CNOT1: variants seen among roughly 807,000 people sequenced by gnomAD.
The protein encoded by CNOT1 is CCR4-NOT transcription complex subunit 1.
A neutral mutation model predicts 273.8 loss-of-function variants in CNOT1; 15 were observed. The ratio of observed to expected loss-of-function variants is 0.05; its 90% CI spans 0.04 to 0.08. The LOEUF is 0.08. Among genes scored for constraint, CNOT1 ranks in the 10% least tolerant of loss-of-function variants. The pLI is 1.00. For missense variants in CNOT1, 1,644 were observed against 2,912.2 expected, an observed-to-expected ratio of 0.56 and a Z score of 10.02; for synonymous variants, 1,022 against 1,005.5, an observed-to-expected ratio of 1.02 and a Z score of -0.31.
intron 1 of CNOT1, among the ~76,000 whole-genome samples, chr16:58,614,742 C>T (rs2043016635): frequency 8.0e-6 from 1 of 125,702 alleles, no homozygotes; most frequent in East Asian, 2.0e-4. Context: ...CGGGGTCTCA[C>T]TCTGTCGCCC....
At chr16:58,610,894 G>A (rs765982034) in intron 1 of CNOT1, among the ~76,000 whole-genome samples, 11 of 150,160 alleles carry the variant, frequency 7.3e-5, no homozygotes, top group East Asian at 5.9e-4. Context: ...AAAATCAGCC[G>A]GGCGTGGTGG....
intron 4 of CNOT1, 128 bp from the exon 5 acceptor site, chr16:58,587,541 T>TTGTA: frequency 1.5e-6 from 2 of 1,311,014 alleles, no homozygotes; most frequent in Middle Eastern, 5.4e-4. Flanking sequence ...ACTAGAAACA[T>TTGTA]TACACTATGT....
rs1406602456 is a variant in CNOT1, at chr16:58,523,508, A to G, written c.6785-6T>C. 7.4e-6 allele frequency: 12 copies of G among 1,613,646 alleles called. No homozygotes were observed. The highest frequency in any genetic ancestry group is 2.2e-5 in the South Asian group (2 of 91,058). Reference sequence around the variant, plus strand: ...ATTCAAAAAGAGATAGCGACCTAGAAATTAAGAAACCTTGACTTAGGACTT... The same window carrying G: ...ATTCAAAAAGAGATAGCGACCTAGAGATTAAGAAACCTTGACTTAGGACTT... On this transcript the variant is annotated splice_region_variant and splice_polypyrimidine_tract_variant and intron_variant, in intron 46 of 48. Transcript: ENST00000317147.
intron 16 of CNOT1, among the ~76,000 whole-genome samples, chr16:58,568,643 G>A (rs2041150049): frequency 6.6e-6 from 1 of 151,744 alleles, no homozygotes; most frequent in South Asian, 2.1e-4. Context: ...TCGTGCCACT[G>A]CACTCCATCC....
intron 31 of CNOT1, chr16:58,543,082 G>A: frequency 8.2e-7 from 1 of 1,226,780 alleles, no homozygotes; most frequent in Non-Finnish European, 1.0e-6. Context: ...TACAGAGTGA[G>A]ACCCTGTCTC....
At chr16:58,561,976 T>A (rs1397112663) in intron 16 of CNOT1, among the ~76,000 whole-genome samples, 2 of 151,416 alleles carry the variant, frequency 1.3e-5, no homozygotes, top group Non-Finnish European at 2.9e-5. Flanking sequence ...GAAACTCAGG[T>A]CAGAAGCTGA....
chr16:58,591,472 C>T (rs905548396), intron 2 of CNOT1, among the ~76,000 whole-genome samples: 4 of 152,056 alleles, frequency 2.6e-5, no homozygotes, highest in Admixed American at 6.6e-5. Context: ...TTTAACTATG[C>T]GCCGGACTCG....
chr16:58,614,303 C>T (rs1237530992), intron 1 of CNOT1, among the ~76,000 whole-genome samples: 1 of 123,468 alleles, frequency 8.1e-6, no homozygotes, highest in Non-Finnish European at 1.9e-5. Flanking sequence ...TGATAACTTT[C>T]GGAAGAGTTC....
At chr16:58,567,347 G>T (rs1009674593) in intron 16 of CNOT1, among the ~76,000 whole-genome samples, 1 of 151,982 alleles carries the variant, frequency 6.6e-6, no homozygotes, top group Non-Finnish European at 1.5e-5. Context: ...TGCTGGCCGG[G>T]CGTGGTGGCT....
chr16:58,605,175 T>C, intron 1 of CNOT1, among the ~76,000 whole-genome samples: 1 of 150,440 alleles, frequency 6.6e-6, no homozygotes. Context: ...CAAAAATGGC[T>C]ACCATTTCAA....
intron 1 of CNOT1, among the ~76,000 whole-genome samples, chr16:58,615,846 C>A (rs2043055332): frequency 8.1e-6 from 1 of 123,172 alleles, no homozygotes; most frequent in Non-Finnish European, 1.9e-5. Context: ...CTTTGGGAGG[C>A]CAAGAAGGGA....
At position 58,523,494 on chromosome 16, in the gene CNOT1, G is replaced by T. The variant is rs1328438791; in HGVS notation, c.6793C>A (p.Leu2265Ile). The change falls in exon 47 of 49, where the codon CTC becomes ATC. Residue 2265 changes from leucine (L) to isoleucine (I), a missense_variant. By Grantham distance (5) the Leu-to-Ile change is conservative. This residue lies in a region of CNOT1 where 140 missense variants were observed against 324.6 expected (regional missense o/e 0.43). Transcript: ENST00000317147. ...AVDLDTEGRY[L>I]FLNAIANQLR... ...TGATTTGCAATTGCATTCAAAAAGA[G>T]ATAGCGACCTAGAAATTAAGAAACC... The T allele has an allele frequency of 6.2e-7, 1 of 1,613,894 alleles. No individual in the cohort carries two copies.
At chr16:58,546,132 G>C (rs1442985443) in intron 29 of CNOT1, among the ~76,000 whole-genome samples, 189 bp downstream of exon 29, 2 of 152,092 alleles carry the variant, frequency 1.3e-5, no homozygotes, top group African/African-American at 2.4e-5. Context: ...TGTCAGGATG[G>C]AATCTAAGAT....
At chr16:58,528,303 G>C (rs772446701) in intron 44 of CNOT1, 172 bp downstream of exon 44, 3 of 634,424 alleles carry the variant, frequency 4.7e-6, no homozygotes, top group South Asian at 3.6e-5. Flanking sequence ...AACAGCAATA[G>C]CAACAATATC....
At chr16:58,567,404 C>T (rs1028778268) in intron 16 of CNOT1, among the ~76,000 whole-genome samples, 5 of 151,820 alleles carry the variant, frequency 3.3e-5, no homozygotes, top group African/African-American at 1.2e-4. Flanking sequence ...AGGAGGAGTG[C>T]CTCAGCTCAG....
chr16:58,532,177 T>C, intron 41 of CNOT1, 55 bp downstream of exon 41: 1 of 1,605,626 alleles, frequency 6.2e-7, no homozygotes, highest in Non-Finnish European at 8.5e-7. Flanking sequence ...ACTCCCAAAA[T>C]TTTACTACAT....
rs889353283 is a variant in CNOT1, at chr16:58,555,349, T to A, written c.2793A>T (p.Leu931=). The change falls in exon 21 of 49, where the codon CTA becomes CTT. Residue 931 remains leucine, a synonymous_variant. Transcript: ENST00000317147. ...CAAGAACATATCGTAGAGCCAGACC[T>A]AGTGCCATGTAAGTGACCAGTCCTT... is the stretch of plus-strand genomic sequence containing the variant. ...IEKGLVTYMA[L]GLALRYVLEA... is the part of the protein sequence containing the mutation. 3.7e-6 allele frequency: 6 copies of A among 1,614,216 alleles called. No homozygotes were observed. The highest frequency in any genetic ancestry group is 5.1e-6 in the Non-Finnish European group (6 of 1,180,036).
At chr16:58,619,869 C>T (rs1597616359) in intron 1 of CNOT1, among the ~76,000 whole-genome samples, 1 of 152,098 alleles carries the variant, frequency 6.6e-6, no homozygotes, top group Admixed American at 6.6e-5. Context: ...AAAGAAAGAT[C>T]TCCCTAATTA....
intron 1 of CNOT1, among the ~76,000 whole-genome samples, chr16:58,619,323 C>G (rs1015425953): frequency 5.9e-5 from 9 of 152,094 alleles, no homozygotes; most frequent in African/African-American, 1.9e-4. Flanking sequence ...AAACTCAAGT[C>G]CCTTCATCTT....
Sources: gnomAD v4.1 joint callset for allele counts (sites outside exome capture counted in the v4.1 genomes callset) on GRCh38, gnomAD v4.1.1 for gene constraint, gnomAD v4.1.1 regional missense constraint, MANE v1.5 for transcripts, NCBI Gene and HGNC (gene_info 2026-07-23, HGNC 2026-07-21) for gene names.